Variants in TRERF1 observed in about 807,000 individuals in gnomAD.
TRERF1 encodes the protein transcriptional regulating factor 1, also known as transcriptional-regulating factor 1.
A neutral mutation model predicts 122.9 loss-of-function variants in TRERF1; 27 were observed. That is an observed-to-expected ratio of 0.22 (90% CI 0.16 to 0.30). The LOEUF is 0.30. TRERF1 is among the 10% of genes least tolerant of loss of function. The probability of loss-of-function intolerance (pLI) is 1.00; values close to 1 mark genes in which losing one functional copy is unlikely to be tolerated. For missense variants in TRERF1, 1,248 were observed against 1,560.3 expected (o/e 0.80, Z 3.37); for synonymous variants, 636 against 641.7 (o/e 0.99, Z 0.13).
rs939707099 is a variant in TRERF1, at chr6:42,318,054, T to C, written c.-370-17305A>G. ...CTGTAATCCCAGCTACTTGGGAGGC[T>C]GAGGCAGGAGAATCGCTTGAACTTG... On this transcript the variant is annotated intron_variant, in intron 3 of 17. Transcript: ENST00000372922. Among the ~76,000 whole-genome samples the C allele has an allele frequency of 2.0e-5, 3 of 151,836 alleles. No homozygotes were observed. The East Asian group carries it at 5.8e-4, about 29-fold the overall frequency.
intron 3 of TRERF1, among the ~76,000 whole-genome samples, chr6:42,321,398 A>T (rs1319122346): frequency 6.6e-6 from 1 of 151,434 alleles, no homozygotes; most frequent in African/African-American, 2.4e-5. Flanking sequence ...CTGGCTAGAG[A>T]GTTTGAGAGA....
chr6:42,303,857 C>T (rs973946353), intron 3 of TRERF1, among the ~76,000 whole-genome samples: 4 of 139,534 alleles, frequency 2.9e-5, no homozygotes, highest in South Asian at 2.3e-4. Context: ...GAGCAGAGAT[C>T]GCACCACTGC....
At chr6:42,359,618 G>A (rs1443260456) in intron 3 of TRERF1, among the ~76,000 whole-genome samples, 2 of 152,188 alleles carry the variant, frequency 1.3e-5, no homozygotes, top group African/African-American at 4.8e-5. Flanking sequence ...CTGCTACTCG[G>A]GAGGCTCAGG....
intron 2 of TRERF1, among the ~76,000 whole-genome samples, chr6:42,435,508 G>A (rs1379316936): frequency 6.7e-6 from 1 of 149,550 alleles, no homozygotes; most frequent in African/African-American, 2.5e-5. Context: ...CTGTGATCAC[G>A]CCACTGCACT....
chr6:42,331,590 C>T (rs1251713499), intron 3 of TRERF1, among the ~76,000 whole-genome samples: 3 of 152,154 alleles, frequency 2.0e-5, no homozygotes, highest in East Asian at 1.9e-4. Flanking sequence ...GTATAGATCC[C>T]GCAGAATGAA....
At chr6:42,402,456 C>T (rs185492994) in intron 2 of TRERF1, among the ~76,000 whole-genome samples, 247 of 152,266 alleles carry the variant, frequency 1.6e-3, no homozygotes, top group Middle Eastern at 3.4e-3. Flanking sequence ...CCCTGTTCAC[C>T]GCTACTCGTC....
At chr6:42,367,162 T>C (rs1187283932) in intron 2 of TRERF1, among the ~76,000 whole-genome samples, 1 of 152,164 alleles carries the variant, frequency 6.6e-6, no homozygotes, top group Admixed American at 6.5e-5. Context: ...GTATAATATC[T>C]AGCACAGGCC....
chr6:42,311,057 T>TTGAGCACCTACTATA (rs1174689116), intron 3 of TRERF1, among the ~76,000 whole-genome samples: 1 of 152,228 alleles, frequency 6.6e-6, no homozygotes, highest in African/African-American at 2.4e-5. Context: ...TAAATATTTA[T>TTGAGCACCTACTATA]TGAGCACCTA....
intron 2 of TRERF1, among the ~76,000 whole-genome samples, chr6:42,437,518 G>T (rs928671018): frequency 2.0e-5 from 3 of 152,182 alleles, no homozygotes; most frequent in African/African-American, 4.8e-5. Context: ...GTACTGAGAG[G>T]ACATGGAAAA....
rs943012267 is a variant in TRERF1, at chr6:42,233,034, A to G, written c.3067-142T>C. Reference sequence around the variant, plus strand: ...TTTTATATAAGCAAACTTTGGGCATATGCTACAAAAGGTAAAGATCAAATA... The same window carrying G: ...TTTTATATAAGCAAACTTTGGGCATGTGCTACAAAAGGTAAAGATCAAATA... On this transcript the variant is annotated intron_variant, in intron 16 of 17. Coordinates refer to ENST00000372922, the Ensembl canonical transcript of TRERF1. 7.2e-6 allele frequency: 9 copies of G among 1,250,568 alleles called. No homozygotes were observed. In the South Asian group the frequency reaches 1.4e-4, roughly 20 times the overall value. 77.5% of individuals were successfully genotyped at this position (1,250,568 alleles called of 1,614,324 possible).
intron 2 of TRERF1, among the ~76,000 whole-genome samples, chr6:42,436,815 ATAT>A (rs1377753734): frequency 0.011 from 675 of 63,142 alleles, 1 homozygote; most frequent in African/African-American, 0.013. Flanking sequence ...AAAAAAAAAA[ATAT>A]ATATATATAT....
At chr6:42,299,558 A>G (rs1166242317) in intron 4 of TRERF1, among the ~76,000 whole-genome samples, 1 of 151,070 alleles carries the variant, frequency 6.6e-6, no homozygotes, top group Non-Finnish European at 1.5e-5. Context: ...ATAGATAATC[A>G]GACAAAATCA....
chr6:42,377,322 C>T (rs901315351), intron 2 of TRERF1, among the ~76,000 whole-genome samples: 6 of 152,192 alleles, frequency 3.9e-5, no homozygotes, highest in African/African-American at 1.2e-4. Context: ...CGTACCCATT[C>T]GCAGTCACTC....
At chr6:42,415,591 A>G (rs924594898) in intron 2 of TRERF1, among the ~76,000 whole-genome samples, 2 of 152,150 alleles carry the variant, frequency 1.3e-5, no homozygotes, top group African/African-American at 4.8e-5. Flanking sequence ...CTTATCTCTC[A>G]GATAGCTATC....
At chr6:42,357,857 C>T (rs757260571) in intron 3 of TRERF1, among the ~76,000 whole-genome samples, 12 of 152,146 alleles carry the variant, frequency 7.9e-5, no homozygotes, top group African/African-American at 2.7e-4. Context: ...TTCTGGATGG[C>T]AGGGGTGGTT....
intron 13 of TRERF1, among the ~76,000 whole-genome samples, chr6:42,248,735 G>C (rs1161037340): frequency 6.6e-6 from 1 of 152,192 alleles, no homozygotes; most frequent in Non-Finnish European, 1.5e-5. Flanking sequence ...ATGGGTTCCA[G>C]AGGGCTGGAC....
intron 17 of TRERF1, among the ~76,000 whole-genome samples, chr6:42,229,016 G>A (rs972967944): frequency 6.6e-6 from 1 of 152,164 alleles, no homozygotes; most frequent in Non-Finnish European, 1.5e-5. Flanking sequence ...CTCTCCACTG[G>A]AGAATCTTCT....
chr6:42,392,964 T>A (rs1239039641), intron 2 of TRERF1, among the ~76,000 whole-genome samples: 6 of 116,918 alleles, frequency 5.1e-5, no homozygotes, highest in South Asian at 2.5e-4. Flanking sequence ...ACACAGCAGT[T>A]GTCAATTTCC....
chr6:42,427,601 A>G (rs532896463), intron 2 of TRERF1, among the ~76,000 whole-genome samples: 1 of 148,970 alleles, frequency 6.7e-6, no homozygotes, highest in Non-Finnish European at 1.5e-5. Flanking sequence ...CCCAGGCTGG[A>G]GTGTGGTATG....
Sources: gnomAD v4.1 joint callset for allele counts (sites outside exome capture counted in the v4.1 genomes callset) on GRCh38, gnomAD v4.1.1 for gene constraint, MANE v1.5 for transcripts, NCBI Gene and HGNC (gene_info 2026-07-23, HGNC 2026-07-21) for gene names.